Variants in ANKS1B observed in about 807,000 individuals in gnomAD.
ANKS1B encodes the protein ankyrin repeat and sterile alpha motif domain-containing protein 1B.
ANKS1B carries 36 observed loss-of-function variants against 148.3 expected under a neutral mutation model. That is an observed-to-expected ratio of 0.24 (90% CI 0.19 to 0.32). The LOEUF is 0.32. Ranked by LOEUF, ANKS1B falls within the 10% of genes least tolerant of loss-of-function variation. The pLI, the probability that ANKS1B is intolerant of heterozygous loss-of-function variation, is 1.00. For missense variants in ANKS1B, 1,157 were observed against 1,542.6 expected (o/e 0.75, Z 4.19); for synonymous variants, 542 against 560.8 (o/e 0.97, Z 0.47).
chr12:99,283,944 T>C (rs1404435828), intron 12 of ANKS1B, among the ~76,000 whole-genome samples: 1 of 152,180 alleles, frequency 6.6e-6, no homozygotes, highest in Non-Finnish European at 1.5e-5. Flanking sequence ...AAAAACTAAA[T>C]GAATGGATGA....
chr12:99,806,350 CA>C, intron 4 of ANKS1B, 53 bp downstream of exon 4: 1 of 1,591,398 alleles, frequency 6.3e-7, no homozygotes, highest in Non-Finnish European at 8.6e-7. Flanking sequence ...ATTTGAATCC[CA>C]AAGCCAAGCA....
At chr12:99,462,763 T>C (rs1367028203) in intron 10 of ANKS1B, among the ~76,000 whole-genome samples, 2 of 152,206 alleles carry the variant, frequency 1.3e-5, no homozygotes, top group African/African-American at 4.8e-5. Context: ...GGTGTTTGCA[T>C]TATGGGAATG....
chr12:99,454,994 TTC>T (rs200087446), intron 10 of ANKS1B, among the ~76,000 whole-genome samples: 1,704 of 152,254 alleles, frequency 0.011, 98 homozygotes, highest in Admixed American at 0.099. Flanking sequence ...AATCCGTGGA[TTC>T]TCTGTTTTAC....
chr12:98,843,616 C>T (rs2099423305), intron 17 of ANKS1B, among the ~76,000 whole-genome samples: 1 of 152,184 alleles, frequency 6.6e-6, no homozygotes, highest in South Asian at 2.1e-4. Context: ...CTTTCTAGCC[C>T]ATGAAGAGTC....
At chr12:99,479,663 G>C (rs1015792623) in intron 10 of ANKS1B, among the ~76,000 whole-genome samples, 1 of 151,912 alleles carries the variant, frequency 6.6e-6, no homozygotes, top group South Asian at 2.1e-4. Flanking sequence ...CTTGTATGTG[G>C]AATCTAGAAA....
intron 12 of ANKS1B, among the ~76,000 whole-genome samples, chr12:99,249,067 G>A (rs562474621): frequency 2.6e-5 from 4 of 152,266 alleles, no homozygotes; most frequent in African/African-American, 9.6e-5. Flanking sequence ...ATCTCACAGA[G>A]TGCTTTACAA....
At chr12:99,147,939 G>C (rs149330716) in intron 15 of ANKS1B, among the ~76,000 whole-genome samples, 2 of 152,120 alleles carry the variant, frequency 1.3e-5, no homozygotes, top group Non-Finnish European at 2.9e-5. Flanking sequence ...CAGGGAACTG[G>C]TAAGAAGCAG....
At chr12:99,026,383 G>T (rs557816330) in intron 17 of ANKS1B, among the ~76,000 whole-genome samples, 6 of 152,168 alleles carry the variant, frequency 3.9e-5, no homozygotes, top group African/African-American at 1.4e-4. Flanking sequence ...GTTTCTCTAG[G>T]TTCTAGACTC....
At chr12:98,776,663 C>T (rs895624598) in intron 24 of ANKS1B, among the ~76,000 whole-genome samples, 8 of 152,168 alleles carry the variant, frequency 5.3e-5, no homozygotes, top group African/African-American at 1.7e-4. Flanking sequence ...ATCTGCCTCT[C>T]GCCACTGCAT....
intron 14 of ANKS1B, among the ~76,000 whole-genome samples, chr12:99,222,809 T>G (rs1443102049): frequency 6.6e-6 from 1 of 152,206 alleles, no homozygotes; most frequent in East Asian, 1.9e-4. Context: ...GGTGATATTT[T>G]TAGCACTGAA....
At chr12:99,389,344 C>T (rs1013736039) in intron 12 of ANKS1B, among the ~76,000 whole-genome samples, 2 of 152,128 alleles carry the variant, frequency 1.3e-5, no homozygotes, top group African/African-American at 4.8e-5. Context: ...ATGTTCTCCC[C>T]AAAGAAGACT....
chr12:99,528,092 C>T (rs187986180), intron 9 of ANKS1B, among the ~76,000 whole-genome samples: 52 of 152,040 alleles, frequency 3.4e-4, no homozygotes, highest in African/African-American at 8.0e-4. Flanking sequence ...ATTTGATCTT[C>T]GCCAAACCTG....
At chr12:99,449,654 A>G (rs1159282248) in intron 10 of ANKS1B, among the ~76,000 whole-genome samples, 2 of 152,176 alleles carry the variant, frequency 1.3e-5, no homozygotes, top group Non-Finnish European at 2.9e-5. Flanking sequence ...AAGAAACACC[A>G]TCAGAATTAA....
chr12:99,095,567 A>C (rs973652033), intron 15 of ANKS1B, among the ~76,000 whole-genome samples: 2 of 152,202 alleles, frequency 1.3e-5, no homozygotes, highest in Non-Finnish European at 2.9e-5. Context: ...TTAGTTCTGC[A>C]TAAAAAACGT....
chr12:99,183,989 A>G (rs934704533), intron 14 of ANKS1B, among the ~76,000 whole-genome samples: 1 of 152,256 alleles, frequency 6.6e-6, no homozygotes, highest in African/African-American at 2.4e-5. Context: ...TATACATTTC[A>G]CTTATAATAT....
Position 99,724,878 on chromosome 12 carries a change from A to G in ANKS1B, c.1128+48044T>C, listed in dbSNP as rs1028982681. ...CAACAGTCTTAGAAAAATTATTTTC[A>G]ACTCAGAATTTCATATCCAGCCAAA... On this transcript the variant is annotated intron_variant, in intron 8 of 26. Coordinates refer to ENST00000683438, the MANE Select transcript of ANKS1B (RefSeq NM_001352186.2). 5.9e-5 allele frequency among the ~76,000 whole-genome samples: 9 copies of G among 152,202 alleles called. 1 individual carries two copies. The highest frequency in any genetic ancestry group is 2.2e-4 in the African/African-American group (9 of 41,450).
At chr12:99,648,301 G>A in intron 9 of ANKS1B, 2 of 1,614,172 alleles carry the variant, frequency 1.2e-6, no homozygotes, top group Non-Finnish European at 1.7e-6. Flanking sequence ...ATTCAGGTAT[G>A]CACCCATGTT....
intron 10 of ANKS1B, among the ~76,000 whole-genome samples, chr12:99,452,790 T>C (rs1157607728): frequency 6.6e-6 from 1 of 152,224 alleles, no homozygotes; most frequent in Admixed American, 6.5e-5. Context: ...ACAATTCTCT[T>C]AAATATACCG....
At chr12:99,531,235 T>C (rs1286552305) in intron 9 of ANKS1B, among the ~76,000 whole-genome samples, 1 of 152,226 alleles carries the variant, frequency 6.6e-6, no homozygotes, top group African/African-American at 2.4e-5. Context: ...GCATTTATAA[T>C]CAATATTTTT....
Sources: gnomAD v4.1 joint callset for allele counts (sites outside exome capture counted in the v4.1 genomes callset) on GRCh38, gnomAD v4.1.1 for gene constraint, MANE v1.5 for transcripts, NCBI Gene and HGNC (gene_info 2026-07-23, HGNC 2026-07-21) for gene names.